CCNH: variants seen among roughly 807,000 people sequenced by gnomAD.
The protein encoded by CCNH is cyclin-H.
In CCNH, 31 loss-of-function variants were observed where a neutral mutation model predicts 41.9. The ratio of observed to expected loss-of-function variants is 0.74; its 90% CI spans 0.56 to 1.00. The LOEUF (loss-of-function observed/expected upper bound fraction) is 1.00, where lower values mean the gene tolerates loss of function less well. CCNH is among the 50% of genes least tolerant of loss of function. The pLI is 0.00. For missense variants in CCNH, 362 were observed against 388.4 expected, an observed-to-expected ratio of 0.93 and a Z score of 0.57; for synonymous variants, 138 against 136.1, an observed-to-expected ratio of 1.01 and a Z score of -0.10.
At chr5:87,375,947 GCT>G (rs1288941211), downstream of CCNH, among the ~76,000 whole-genome samples, 1 of 152,112 alleles carries the variant, frequency 6.6e-6, no homozygotes, top group African/African-American at 2.4e-5. Flanking sequence ...TATTTGAAGT[GCT>G]CTTTTTTCTT....
At chr5:87,381,151 T>C (rs1014483338), upstream of CCNH, among the ~76,000 whole-genome samples, 1 of 152,192 alleles carries the variant, frequency 6.6e-6, no homozygotes, top group Non-Finnish European at 1.5e-5. Flanking sequence ...TGGCAAATCA[T>C]GGAATTTGGG....
downstream of CCNH, chr5:87,386,702 A>G (rs914209127): frequency 6.4e-6 from 5 of 776,964 alleles, no homozygotes; most frequent in South Asian, 2.8e-5. Flanking sequence ...GGGTTTTGCT[A>G]TATTAATTTG....
At chr5:87,390,851 A>T (rs1762462184), downstream of CCNH, 1 of 1,613,676 alleles carries the variant, frequency 6.2e-7, no homozygotes, top group Non-Finnish European at 8.5e-7. Flanking sequence ...ACAAAAACAA[A>T]ACCAGTATAC....
At chr5:87,365,539 T>C (rs904791181) in intron 9 of CCNH, among the ~76,000 whole-genome samples, 1 of 152,120 alleles carries the variant, frequency 6.6e-6, no homozygotes, top group Non-Finnish European at 1.5e-5. Flanking sequence ...GTTTTAATTA[T>C]CGTAAAATAT....
chr5:87,412,902 G>A lies in CCNH; in HGVS notation c.-108C>T. 1 of 1,503,906 alleles carries A rather than the reference G, an allele frequency of 6.6e-7. No homozygotes were observed. The highest frequency in any genetic ancestry group is 2.3e-5 in the East Asian group (1 of 43,028). 93.2% of individuals were successfully genotyped at this position (1,503,906 alleles called of 1,614,324 possible). ...CACCGAAGATCTCGCGGAAGCCTAG[G>A]GCGTCCGGCTAGCCGGCGCTGGCGC... On this transcript the variant is annotated 5_prime_UTR_variant, in exon 1 of 9. Coordinates refer to ENST00000256897, the MANE Select transcript of CCNH (RefSeq NM_001239.4).
intron 9 of CCNH, chr5:87,385,275 A>AT: frequency 6.8e-7 from 1 of 1,477,620 alleles, no homozygotes; most frequent in Non-Finnish European, 9.5e-7. Context: ...ACTTGGTGTC[A>AT]TTAGCTGTGC....
chr5:87,408,529 A>G (rs910672487), intron 3 of CCNH, among the ~76,000 whole-genome samples: 2 of 152,210 alleles, frequency 1.3e-5, no homozygotes, highest in Non-Finnish European at 2.9e-5. Context: ...TAGATGGAAG[A>G]GTTAAAAATA....
chr5:87,365,787 C>T (rs1224620983), intron 9 of CCNH, among the ~76,000 whole-genome samples: 1 of 151,510 alleles, frequency 6.6e-6, no homozygotes, highest in African/African-American at 2.4e-5. Context: ...TACTTTGAAA[C>T]AAAGAAGGTC....
At chr5:87,380,297 G>A (rs950561730), upstream of CCNH, among the ~76,000 whole-genome samples, 4 of 152,102 alleles carry the variant, frequency 2.6e-5, no homozygotes, top group African/African-American at 9.7e-5. Flanking sequence ...TAAATGTCAG[G>A]AAGTTGACTG....
chr5:87,374,457 A>T (rs1205860149), downstream of CCNH: 77 of 244,014 alleles, frequency 3.2e-4, no homozygotes, highest in African/African-American at 1.8e-3. Context: ...ATATATATAT[A>T]TATTTTTTTT....
chr5:87,411,402 T>C (rs1388468388), intron 1 of CCNH, 56 bp from the exon 2 acceptor site: 42 of 1,525,836 alleles, frequency 2.8e-5, no homozygotes, highest in Non-Finnish European at 3.6e-5. Context: ...TAAACAATTG[T>C]AAAACATTTT....
chr5:87,372,295 G>A (rs944442614), downstream of CCNH: 2 of 1,098,524 alleles, frequency 1.8e-6, no homozygotes, highest in Admixed American at 2.0e-5. Context: ...ACATCATATG[G>A]GGTTAAGCCA....
At chr5:87,345,350 C>T (rs1758782076) in intron 9 of CCNH, among the ~76,000 whole-genome samples, 1 of 152,014 alleles carries the variant, frequency 6.6e-6, no homozygotes, top group East Asian at 1.9e-4. Flanking sequence ...ACTTTTTTAC[C>T]CTTCTTTTTT....
chr5:87,373,202 T>C (rs1761073519), downstream of CCNH, among the ~76,000 whole-genome samples: 1 of 152,146 alleles, frequency 6.6e-6, no homozygotes, highest in Non-Finnish European at 1.5e-5. Context: ...CTGTCAGCCC[T>C]TTCTATTCAT....
chr5:87,363,123 T>TA (rs1760241386), intron 9 of CCNH, among the ~76,000 whole-genome samples: 1 of 151,932 alleles, frequency 6.6e-6, no homozygotes. Context: ...AAGATATAGT[T>TA]AAGGTATTCT....
At chr5:87,363,868 A>G (rs1476100907) in intron 9 of CCNH, among the ~76,000 whole-genome samples, 2 of 152,124 alleles carry the variant, frequency 1.3e-5, no homozygotes, top group Non-Finnish European at 2.9e-5. Context: ...TATTAACTCT[A>G]TAAGCAAGTT....
At chr5:87,333,978 T>C (rs1309624608) in intron 9 of CCNH, among the ~76,000 whole-genome samples, 1 of 152,164 alleles carries the variant, frequency 6.6e-6, no homozygotes, top group African/African-American at 2.4e-5. Flanking sequence ...TTTAGGTAAT[T>C]TTAAAAAATT....
At chr5:87,385,116 G>T (rs901329721) in intron 9 of CCNH, among the ~76,000 whole-genome samples, 4 of 152,026 alleles carry the variant, frequency 2.6e-5, no homozygotes, top group African/African-American at 9.7e-5. Flanking sequence ...TTTAATTCAA[G>T]TTCTTTTGAA....
chr5:87,365,257 CA>C (rs1580360364), intron 9 of CCNH, among the ~76,000 whole-genome samples: 1 of 151,964 alleles, frequency 6.6e-6, no homozygotes, highest in Non-Finnish European at 1.5e-5. Context: ...TTTTATATTT[CA>C]AAAATTATAA....
Sources: allele counts gnomAD v4.1 joint callset (sites outside exome capture counted in the v4.1 genomes callset), GRCh38; gene constraint gnomAD v4.1.1; transcripts MANE v1.5; gene names NCBI Gene and HGNC (gene_info 2026-07-23, HGNC 2026-07-21).